Variants in TTC39B observed in about 807,000 individuals in gnomAD.
TTC39B encodes tetratricopeptide repeat protein 39B.
TTC39B carries 92 observed loss-of-function variants against 96.6 expected under a neutral mutation model. The ratio of observed to expected loss-of-function variants is 0.95; its 90% CI spans 0.80 to 1.13. The LOEUF (loss-of-function observed/expected upper bound fraction) is 1.13. TTC39B is among the 50% of genes most tolerant of loss of function. The pLI is 0.00. For missense variants in TTC39B, 955 were observed against 809.3 expected (o/e 1.18, Z -2.18); for synonymous variants, 367 against 299.4 (o/e 1.23, Z -2.33).
At chr9:15,228,552 C>G (rs1821257027) in intron 2 of TTC39B, among the ~76,000 whole-genome samples, 1 of 152,198 alleles carries the variant, frequency 6.6e-6, no homozygotes, top group Non-Finnish European at 1.5e-5. Flanking sequence ...TCACCGTAAA[C>G]AGTAAAAACA....
chr9:15,198,464 AT>A (rs200954790), intron 8 of TTC39B, among the ~76,000 whole-genome samples: 34,634 of 98,250 alleles, frequency 0.35, 4,205 homozygotes, highest in South Asian at 0.42. Flanking sequence ...TCGCAAAAAT[AT>A]ATATATATAT....
chr9:15,177,770 G>A (rs267602188), exon 18 of TTC39B: 1 of 1,609,376 alleles, frequency 6.2e-7, no homozygotes. Context: ...CATCCTTTAA[G>A]TAACTTCACT....
chr9:15,287,156 T>C (rs1199069321), intron 1 of TTC39B, among the ~76,000 whole-genome samples: 2 of 152,252 alleles, frequency 1.3e-5, no homozygotes, highest in African/African-American at 2.4e-5. Context: ...AAATCTTAAT[T>C]GATCTGTTTA....
At chr9:15,181,894 G>T (rs913088501) in intron 17 of TTC39B, among the ~76,000 whole-genome samples, 1 of 152,072 alleles carries the variant, frequency 6.6e-6, no homozygotes, top group African/African-American at 2.4e-5. Context: ...GATATTCACA[G>T]AGTTGTACAG....
At chr9:15,191,711 G>A (rs967719737) in intron 9 of TTC39B, among the ~76,000 whole-genome samples, 2 of 152,182 alleles carry the variant, frequency 1.3e-5, no homozygotes, top group African/African-American at 4.8e-5. Context: ...TATCCTTCCA[G>A]TGGGCAGAAC....
chr9:15,251,731 A>ATATATATATGTATG (rs1563764609), intron 2 of TTC39B, among the ~76,000 whole-genome samples: 1 of 126,948 alleles, frequency 7.9e-6, no homozygotes, highest in African/African-American at 3.2e-5. Context: ...ATATATATAT[A>ATATATATATGTATG]TATATGTAGT....
chr9:15,236,114 G>C (rs1166399027), intron 2 of TTC39B, among the ~76,000 whole-genome samples: 1 of 152,118 alleles, frequency 6.6e-6, no homozygotes, highest in African/African-American at 2.4e-5. Context: ...CAAAGTAAAA[G>C]GGAGAAAGAA....
intron 2 of TTC39B, among the ~76,000 whole-genome samples, chr9:15,255,012 G>C (rs7847417): frequency 0.042 from 6,396 of 151,786 alleles, 461 homozygotes; most frequent in African/African-American, 0.15. Flanking sequence ...CCTTTGAAAA[G>C]GTTAATTCAT....
exon 7 of TTC39B, chr9:15,203,867 A>G (rs1278127454): frequency 1.9e-6 from 3 of 1,613,362 alleles, no homozygotes; most frequent in African/African-American, 2.7e-5. Flanking sequence ...CACTCGGCAT[A>G]ACAGATTTCA....
intron 17 of TTC39B, among the ~76,000 whole-genome samples, chr9:15,178,947 T>G (rs1356901604): frequency 6.6e-6 from 1 of 152,216 alleles, no homozygotes; most frequent in Non-Finnish European, 1.5e-5. Flanking sequence ...GTGTTCTTTT[T>G]GGGGAAAACT....
chr9:15,227,352 T>A (rs371422155), intron 2 of TTC39B, among the ~76,000 whole-genome samples: 297 of 152,282 alleles, frequency 2.0e-3, no homozygotes, highest in African/African-American at 6.8e-3. Context: ...AGTGGAGTTT[T>A]GTTTTTTGTT....
intron 17 of TTC39B, among the ~76,000 whole-genome samples, chr9:15,179,344 C>T (rs936299882): frequency 6.6e-6 from 1 of 152,126 alleles, no homozygotes; most frequent in African/African-American, 2.4e-5. Context: ...CAGCACAAAC[C>T]TCAGAAATCA....
intron 3 of TTC39B, among the ~76,000 whole-genome samples, chr9:15,222,327 A>G (rs1462734485): frequency 6.6e-6 from 1 of 152,192 alleles, no homozygotes; most frequent in Admixed American, 6.5e-5. Context: ...AACCATTTTA[A>G]AGCACACAGC....
intron 1 of TTC39B, among the ~76,000 whole-genome samples, chr9:15,290,457 C>T (rs149780596): frequency 1.1e-3 from 175 of 152,286 alleles, no homozygotes; most frequent in Non-Finnish European, 2.2e-3. Flanking sequence ...GCCCCAGAAT[C>T]TTTACCATAA....
intron 1 of TTC39B, among the ~76,000 whole-genome samples, chr9:15,271,981 G>C (rs1414256518): frequency 6.6e-6 from 1 of 152,194 alleles, no homozygotes; most frequent in African/African-American, 2.4e-5. Context: ...GCATCCTTGG[G>C]AAAAGTGATG....
intron 1 of TTC39B, among the ~76,000 whole-genome samples, chr9:15,293,084 A>G (rs147563105): frequency 5.3e-5 from 8 of 152,308 alleles, no homozygotes; most frequent in African/African-American, 1.7e-4. Flanking sequence ...ATACAGGTGT[A>G]CTGTTTTTTA....
At chr9:15,267,113 C>T (rs1423718486) in intron 2 of TTC39B, among the ~76,000 whole-genome samples, 1 of 152,146 alleles carries the variant, frequency 6.6e-6, no homozygotes, top group East Asian at 1.9e-4. Flanking sequence ...TTTGCTCTCA[C>T]TCTCTCGGCC....
At chr9:15,198,703 A>C (rs1819337569) in intron 8 of TTC39B, among the ~76,000 whole-genome samples, 1 of 151,930 alleles carries the variant, frequency 6.6e-6, no homozygotes, top group African/African-American at 2.4e-5. Context: ...AGGGGGAGAG[A>C]ACAGATGAGG....
At chr9:15,233,680 T>G (rs1417977520) in intron 2 of TTC39B, among the ~76,000 whole-genome samples, 1 of 152,106 alleles carries the variant, frequency 6.6e-6, no homozygotes, top group Non-Finnish European at 1.5e-5. Context: ...CAGGCTGGAG[T>G]GCAGTGGCGT....
Sources: allele counts gnomAD v4.1 joint callset (sites outside exome capture counted in the v4.1 genomes callset), GRCh38; gene constraint gnomAD v4.1.1; transcripts MANE v1.5; gene names NCBI Gene and HGNC (gene_info 2026-07-23, HGNC 2026-07-21).